The following ZMAT4 variants were observed in gnomAD, a reference collection of about 807,000 sequenced individuals.
ZMAT4 encodes the protein zinc finger matrin-type protein 4.
In ZMAT4, 17 loss-of-function variants were observed where a neutral mutation model predicts 28.7. That is an observed-to-expected ratio of 0.59 (90% CI 0.41 to 0.89). The LOEUF (loss-of-function observed/expected upper bound fraction) is 0.89, where lower values mean the gene tolerates loss of function less well. Among genes scored for constraint, ZMAT4 ranks in the 40% least tolerant of loss-of-function variants. The probability of loss-of-function intolerance (pLI) is 0.00; values close to 1 mark genes in which losing one functional copy is unlikely to be tolerated. For synonymous variants in ZMAT4, 117 were observed against 109.2 expected (o/e 1.07, Z -0.44); for missense variants, 240 against 283.8 (o/e 0.85, Z 1.11).
intron 3 of ZMAT4, among the ~76,000 whole-genome samples, chr8:40,765,616 T>C (rs1813127519): frequency 6.6e-6 from 1 of 152,224 alleles, no homozygotes; most frequent in African/African-American, 2.4e-5. Flanking sequence ...CAGATGCTTC[T>C]TGCTCTGAAA....
intron 6 of ZMAT4, among the ~76,000 whole-genome samples, chr8:40,574,483 C>G (rs180812101): frequency 2.7e-4 from 41 of 152,168 alleles, no homozygotes; most frequent in Non-Finnish European, 2.8e-4. Flanking sequence ...GTAGAATATG[C>G]AGACAGAATA....
At chr8:40,538,145 G>T (rs1009477957) in intron 6 of ZMAT4, among the ~76,000 whole-genome samples, 1 of 152,096 alleles carries the variant, frequency 6.6e-6, no homozygotes, top group Non-Finnish European at 1.5e-5. Context: ...CTTTAAGTCT[G>T]ATAAGAAACA....
intron 6 of ZMAT4, among the ~76,000 whole-genome samples, chr8:40,580,130 A>G (rs1396993439): frequency 2.0e-5 from 3 of 148,788 alleles, no homozygotes; most frequent in African/African-American, 7.4e-5. Flanking sequence ...CTCCTGCCTC[A>G]GCCTCCTGAG....
chr8:40,569,820 T>C (rs533528793), intron 6 of ZMAT4, among the ~76,000 whole-genome samples: 4 of 152,312 alleles, frequency 2.6e-5, no homozygotes, highest in East Asian at 3.9e-4. Flanking sequence ...GGTCAGCTTC[T>C]AGGCCACCGT....
chr8:40,594,234 AGTGGCCTTATCTAT>A (rs1805007440), intron 5 of ZMAT4, among the ~76,000 whole-genome samples: 2 of 152,158 alleles, frequency 1.3e-5, no homozygotes, highest in Non-Finnish European at 2.9e-5. Flanking sequence ...CAGTTATCTC[AGTGGCCTTATCTAT>A]TTATAGAAAC....
chr8:40,589,891 C>A (rs188782573), intron 5 of ZMAT4, among the ~76,000 whole-genome samples: 57 of 142,826 alleles, frequency 4.0e-4, no homozygotes, highest in Middle Eastern at 3.7e-3. Flanking sequence ...TTCCCCTTCC[C>A]TTCCCTTCTC....
intron 1 of ZMAT4, among the ~76,000 whole-genome samples, chr8:40,849,203 C>T (rs1817014654): frequency 6.6e-6 from 1 of 152,252 alleles, no homozygotes; most frequent in African/African-American, 2.4e-5. Context: ...TTGACAAAGC[C>T]TGTTAGCCTC....
At chr8:40,704,391 C>A (rs1193313446) in intron 3 of ZMAT4, among the ~76,000 whole-genome samples, 3 of 152,156 alleles carry the variant, frequency 2.0e-5, no homozygotes, top group Admixed American at 1.3e-4. Flanking sequence ...CTCCTCCTGA[C>A]CTGTTTAAGT....
At chr8:40,845,283 T>C (rs778955505) in intron 1 of ZMAT4, among the ~76,000 whole-genome samples, 2 of 152,158 alleles carry the variant, frequency 1.3e-5, no homozygotes, top group Non-Finnish European at 2.9e-5. Flanking sequence ...AAAAAAAATT[T>C]AGGCATCTTC....
chr8:40,637,189 T>A (rs972466328), intron 5 of ZMAT4, among the ~76,000 whole-genome samples: 3 of 151,932 alleles, frequency 2.0e-5, no homozygotes, highest in Admixed American at 2.0e-4. Context: ...TCAGTCAAAT[T>A]GCAAACGTTA....
At chr8:40,825,459 T>C (rs1327919875) in intron 2 of ZMAT4, 116 bp downstream of exon 2, 1 of 815,300 alleles carries the variant, frequency 1.2e-6, no homozygotes, top group African/African-American at 1.7e-5. Context: ...CAGGCTCAAG[T>C]CCTGTGGTTC....
At chr8:40,664,584 C>G (rs141787746) in intron 5 of ZMAT4, among the ~76,000 whole-genome samples, 4 of 152,176 alleles carry the variant, frequency 2.6e-5, no homozygotes, top group Non-Finnish European at 5.9e-5. Context: ...CCTCCAGCCT[C>G]GTTCAAGCTT....
intron 6 of ZMAT4, among the ~76,000 whole-genome samples, chr8:40,579,923 A>C (rs1261943963): frequency 6.6e-6 from 1 of 151,828 alleles, no homozygotes. Context: ...CTCCGGGTGC[A>C]CACGTGGCAT....
chr8:40,709,711 A>T lies in ZMAT4; in HGVS notation c.193-12310T>A, dbSNP rs1167588534. ...CTAGAATGTAAGATTGATTTTAATAACCAAAATGACTATGGAGACATTGAT... is the reference window on the plus strand; with the variant it reads ...CTAGAATGTAAGATTGATTTTAATATCCAAAATGACTATGGAGACATTGAT... On this transcript the variant is annotated intron_variant, in intron 3 of 6. Transcript: ENST00000297737. Among the ~76,000 whole-genome samples the T allele has an allele frequency of 2.6e-5, 4 of 152,310 alleles. No homozygotes were observed. In the South Asian group the frequency reaches 8.3e-4, roughly 32 times the overall value.
At chr8:40,618,158 G>C (rs1806078804) in intron 5 of ZMAT4, among the ~76,000 whole-genome samples, 1 of 152,302 alleles carries the variant, frequency 6.6e-6, no homozygotes, top group Non-Finnish European at 1.5e-5. Context: ...CCTAGGAAGA[G>C]CACCATCTTA....
intron 3 of ZMAT4, among the ~76,000 whole-genome samples, chr8:40,718,787 C>T (rs973917708): frequency 1.3e-5 from 2 of 152,164 alleles, no homozygotes; most frequent in Admixed American, 6.5e-5. Context: ...CTCATGCCTG[C>T]TCTATAGATA....
At chr8:40,854,039 G>A (rs1007656556) in intron 1 of ZMAT4, among the ~76,000 whole-genome samples, 5 of 152,114 alleles carry the variant, frequency 3.3e-5, no homozygotes, top group Non-Finnish European at 7.4e-5. Context: ...ACCAGAGAAG[G>A]AGCAAGACAG....
At chr8:40,742,309 A>G (rs1704072993) in intron 3 of ZMAT4, among the ~76,000 whole-genome samples, 1 of 149,138 alleles carries the variant, frequency 6.7e-6, no homozygotes, top group Admixed American at 6.7e-5. Flanking sequence ...CTAAAAAACC[A>G]TATATATATA....
chr8:40,767,694 T>A lies in ZMAT4; in HGVS notation c.139A>T (p.Met47Leu), dbSNP rs1487120075. The A allele has an allele frequency of 6.2e-7, 1 of 1,613,102 alleles. No individual in the cohort carries two copies. The highest frequency in any genetic ancestry group is 8.5e-7 in the Non-Finnish European group (1 of 1,179,702). Residue 47 changes from methionine (M) to leucine (L), a missense_variant, in exon 3 of 7, where the codon ATG becomes TTG. Physicochemically the swap from Met to Leu is conservative, Grantham distance 15. Coordinates refer to ENST00000297737, the MANE Select transcript of ZMAT4 (RefSeq NM_024645.3). ...CACCCTCCATCCCTGGGGTGAAGCA[T>A]GTAATACAGTCGGACTTTGCTTGCA... ...KHASKVRLYY[M>L]LHPRDGGCPA...
Sources: gnomAD v4.1 joint callset for allele counts (sites outside exome capture counted in the v4.1 genomes callset) on GRCh38, gnomAD v4.1.1 for gene constraint, MANE v1.5 for transcripts, NCBI Gene and HGNC (gene_info 2026-07-23, HGNC 2026-07-21) for gene names.